CACNB2: variants seen among roughly 807,000 people sequenced by gnomAD.
CACNB2 encodes voltage-dependent L-type calcium channel subunit beta-2.
Under a neutral mutation model 73.3 loss-of-function variants are expected in CACNB2, and 42 were observed. The ratio of observed to expected loss-of-function variants is 0.57; its 90% CI spans 0.45 to 0.74. The LOEUF (loss-of-function observed/expected upper bound fraction) is 0.74. CACNB2 is among the 30% of genes least tolerant of loss of function. The pLI is 0.00. For missense variants in CACNB2, 940 were observed against 853.0 expected, an observed-to-expected ratio of 1.10 and a Z score of -1.27; for synonymous variants, 348 against 310.3, an observed-to-expected ratio of 1.12 and a Z score of -1.28.
At position 18,150,926 on chromosome 10, in the gene CACNB2, C is replaced by G; in HGVS notation, c.164C>G (p.Ser55Cys). 7.1e-7 allele frequency: 1 copy of G among 1,403,896 alleles called. No individual in the cohort carries two copies. Among genetic ancestry groups the G allele is most frequent in the Non-Finnish European group, 9.5e-7 (1 of 1,056,798 alleles). 87.0% of individuals were successfully genotyped at this position (1,403,896 alleles called of 1,614,324 possible). A position where few individuals can be genotyped will look rare whatever the true frequency, so the allele number is the denominator to read the frequency against. Reference sequence around the variant, plus strand: ...AGAAGGAAAAACAGATTTAAAGGATCTGATGGAAGCACGTCATCTGATACT... The same window carrying G: ...AGAAGGAAAAACAGATTTAAAGGATGTGATGGAAGCACGTCATCTGATACT... ...GARRKNRFKG[S>C]DGSTSSDTTS... Residue 55 changes from serine (S) to cysteine (C), a missense_variant, in exon 2 of 14, where the codon TCT becomes TGT. Physicochemically the swap from Ser to Cys is moderately radical, Grantham distance 112. Coordinates refer to ENST00000324631, the MANE Select transcript of CACNB2 (RefSeq NM_201596.3).
intron 2 of CACNB2, among the ~76,000 whole-genome samples, chr10:18,300,718 G>A (rs2039474836): frequency 6.6e-6 from 1 of 152,072 alleles, no homozygotes; most frequent in Non-Finnish European, 1.5e-5. Flanking sequence ...GCATGGTGGT[G>A]GGCACCTGTA....
chr10:18,144,988 C>A (rs555293240), intron 1 of CACNB2, among the ~76,000 whole-genome samples: 2 of 152,092 alleles, frequency 1.3e-5, no homozygotes, highest in African/African-American at 4.8e-5. Context: ...GAAGAGGAAA[C>A]GGAGGAGTAA....
chr10:18,235,089 G>A (rs905456118), intron 2 of CACNB2, among the ~76,000 whole-genome samples: 11 of 151,026 alleles, frequency 7.3e-5, no homozygotes, highest in African/African-American at 2.7e-4. Flanking sequence ...CTTGCAGTGA[G>A]CCGGGATCAC....
chr10:18,262,460 G>T (rs960104220), intron 2 of CACNB2, among the ~76,000 whole-genome samples: 1 of 152,100 alleles, frequency 6.6e-6, no homozygotes, highest in Non-Finnish European at 1.5e-5. Context: ...TTTGTCTTTT[G>T]AATGCAACAG....
At chr10:18,177,091 A>T (rs1282446568) in intron 2 of CACNB2, among the ~76,000 whole-genome samples, 1 of 152,128 alleles carries the variant, frequency 6.6e-6, no homozygotes, top group East Asian at 1.9e-4. Flanking sequence ...GGTTGCAAAG[A>T]CATTTAGCAA....
chr10:18,241,824 G>A (rs1229384324), intron 2 of CACNB2, among the ~76,000 whole-genome samples: 5 of 151,724 alleles, frequency 3.3e-5, no homozygotes, highest in African/African-American at 1.2e-4. Flanking sequence ...AATGACTTCT[G>A]GAATATTTGT....
At chr10:18,518,861 T>C in intron 8 of CACNB2, 49 bp from the exon 9 acceptor site, 6 of 1,490,798 alleles carry the variant, frequency 4.0e-6, no homozygotes, top group Non-Finnish European at 5.6e-6. Flanking sequence ...TTATCATCGT[T>C]AGTAATTTTT....
Position 18,151,820 on chromosome 10 carries a change from C to G in CACNB2, c.213+845C>G, listed in dbSNP as rs144623863. ...AGTGTCTGATCAGTACTCTCATCAT[C>G]TCTTGTCAATGACAGCTCACTCTAC... is the stretch of plus-strand genomic sequence containing the variant. On this transcript the variant is annotated intron_variant, in intron 2 of 13. Transcript: ENST00000324631. Among the ~76,000 whole-genome samples, 228 of 152,232 alleles carry G rather than the reference C, an allele frequency of 1.5e-3. 2 individuals carry two copies. Among genetic ancestry groups the G allele is most frequent in the South Asian group, 1.7e-3 (8 of 4,808 alleles).
chr10:18,140,985 C>A, intron 1 of CACNB2, 129 bp downstream of exon 1: 1 of 1,520,620 alleles, frequency 6.6e-7, no homozygotes, highest in Admixed American at 2.1e-5. Flanking sequence ...GCCTGCCCAC[C>A]CTCTGCTCCT....
chr10:18,399,154 A>G (rs1275920182), intron 2 of CACNB2, among the ~76,000 whole-genome samples: 2 of 152,072 alleles, frequency 1.3e-5, no homozygotes, highest in African/African-American at 4.8e-5. Flanking sequence ...TGGGTCTAAC[A>G]TGGCAAGACT....
At chr10:18,412,907 G>A (rs11812630) in intron 3 of CACNB2, among the ~76,000 whole-genome samples, 8,748 of 152,212 alleles carry the variant, frequency 0.057, 646 homozygotes, top group African/African-American at 0.16. Flanking sequence ...TGGTCTGTGC[G>A]TTGTACCCAG....
intron 6 of CACNB2, among the ~76,000 whole-genome samples, chr10:18,507,568 C>G (rs572126067): frequency 1.5e-4 from 23 of 152,252 alleles, no homozygotes; most frequent in African/African-American, 5.5e-4. Context: ...TTTGCTAAAT[C>G]TGGGAACTCT....
intron 3 of CACNB2, among the ~76,000 whole-genome samples, chr10:18,469,463 G>A (rs372286681): frequency 1.3e-5 from 2 of 152,182 alleles, no homozygotes; most frequent in East Asian, 1.9e-4. Context: ...AAGCATGGCA[G>A]TTAGCTCAAC....
At chr10:18,197,665 C>A (rs2034686088) in intron 2 of CACNB2, among the ~76,000 whole-genome samples, 1 of 152,140 alleles carries the variant, frequency 6.6e-6, no homozygotes, top group African/African-American at 2.4e-5. Context: ...ATGCCGGTTC[C>A]TGAACCAATT....
In CACNB2 at chr10:18,228,433, CAAAAAAAAA is replaced by C; in HGVS notation, c.213+77466_213+77474del. On this transcript the variant is annotated intron_variant, in intron 2 of 13. Transcript: ENST00000324631. ...GAGCAACAAGAGCAAAACTCTACCTCAAAAAAAAAAAAAAAAGAAAAAAAAAAAGAAAAG... is the reference window on the plus strand; with the variant it reads ...GAGCAACAAGAGCAAAACTCTACCTCAAAAAAAGAAAAAAAAAAAGAAAAG... Among the ~76,000 whole-genome samples, 2 of 34,808 alleles carry C rather than the reference CAAAAAAAAA, an allele frequency of 5.7e-5. 1 individual carries two copies. Among genetic ancestry groups the C allele is most frequent in the Admixed American group, 1.1e-3 (2 of 1,770 alleles). 22.8% of individuals were successfully genotyped at this position (34,808 alleles called of 152,430 possible).
chr10:18,279,760 G>C (rs1291725445), intron 2 of CACNB2, among the ~76,000 whole-genome samples: 3 of 152,168 alleles, frequency 2.0e-5, no homozygotes, highest in African/African-American at 7.2e-5. Context: ...GGTACTAAAA[G>C]CCTAGCTTGA....
chr10:18,166,155 G>T (rs956494595), intron 2 of CACNB2, among the ~76,000 whole-genome samples: 1 of 152,016 alleles, frequency 6.6e-6, no homozygotes, highest in Non-Finnish European at 1.5e-5. Flanking sequence ...TATTATTAAG[G>T]TCATAAGTAT....
At chr10:18,353,284 C>T (rs931227867) in intron 2 of CACNB2, among the ~76,000 whole-genome samples, 1 of 152,030 alleles carries the variant, frequency 6.6e-6, no homozygotes, top group African/African-American at 2.4e-5. Context: ...GTGGTGGGCA[C>T]CTGTAATCCC....
In CACNB2 at chr10:18,542,511, TTGC is replaced by T. The variant is rs756264582; in HGVS notation, c.*2792_*2794del. On this transcript the variant is annotated 3_prime_UTR_variant, in exon 14 of 14. Transcript: ENST00000324631. ...GAAACATAGCTAGTATTTATCTTACTTGCTGCTATCATTAATCCCTTTCAAAAA... is the reference window on the plus strand; with the variant it reads ...GAAACATAGCTAGTATTTATCTTACTTGCTATCATTAATCCCTTTCAAAAA... 2.6e-5 allele frequency: 4 copies of T among 152,252 alleles called. No homozygotes were observed. Among genetic ancestry groups the T allele is most frequent in the Non-Finnish European group, 5.9e-5 (4 of 68,042 alleles). 9.4% of individuals were successfully genotyped at this position (152,252 alleles called of 1,614,324 possible).
Sources: allele counts gnomAD v4.1 joint callset (sites outside exome capture counted in the v4.1 genomes callset), GRCh38; gene constraint gnomAD v4.1.1; transcripts MANE v1.5; gene names NCBI Gene and HGNC (gene_info 2026-07-23, HGNC 2026-07-21).